The following ZSWIM6 variants were observed in gnomAD, a reference collection of about 807,000 sequenced individuals.
ZSWIM6 encodes zinc finger SWIM-type containing 6, also known as zinc finger SWIM domain-containing protein 6.
A neutral mutation model predicts 113.2 loss-of-function variants in ZSWIM6; 9 were observed. The observed-to-expected ratio is 0.08, with a 90% CI of 0.05 to 0.14. The LOEUF is 0.14. Among genes scored for constraint, ZSWIM6 ranks in the 10% least tolerant of loss-of-function variants. The pLI, the probability that ZSWIM6 is intolerant of heterozygous loss-of-function variation, is 1.00. For synonymous variants in ZSWIM6, 611 were observed against 606.5 expected (o/e 1.01, Z -0.11); for missense variants, 1,162 against 1,552.2 (o/e 0.75, Z 4.22).
At chr5:61,341,695 T>G (rs2112027354) in intron 1 of ZSWIM6, among the ~76,000 whole-genome samples, 1 of 152,266 alleles carries the variant, frequency 6.6e-6, no homozygotes, top group East Asian at 1.9e-4. Flanking sequence ...TGAAAACTTC[T>G]CCAGTATTGT....
At chr5:61,375,923 CTACAACATATT>C (rs1346706891) in intron 1 of ZSWIM6, 1 of 701,816 alleles carries the variant, frequency 1.4e-6, no homozygotes, top group African/African-American at 2.0e-5. Context: ...ACTGTGAAAA[CTACAACATATT>C]TACTAAAATG....
At chr5:61,505,865 G>C (rs1233732731) in intron 4 of ZSWIM6, among the ~76,000 whole-genome samples, 1 of 151,500 alleles carries the variant, frequency 6.6e-6, no homozygotes, top group Non-Finnish European at 1.5e-5. Flanking sequence ...TCCTGCCTCA[G>C]CTTCCTTAGT....
At chr5:61,470,702 A>C (rs1011361036) in intron 1 of ZSWIM6, among the ~76,000 whole-genome samples, 1 of 152,216 alleles carries the variant, frequency 6.6e-6, no homozygotes, top group Non-Finnish European at 1.5e-5. Context: ...GTGAAAAAAA[A>C]ACCAAAGATT....
At chr5:61,372,857 T>C (rs1308502557) in intron 1 of ZSWIM6, among the ~76,000 whole-genome samples, 1 of 152,218 alleles carries the variant, frequency 6.6e-6, no homozygotes, top group Non-Finnish European at 1.5e-5. Context: ...CTTATCATTT[T>C]TACCTCTTCA....
intron 1 of ZSWIM6, among the ~76,000 whole-genome samples, chr5:61,464,082 C>T (rs2112171857): frequency 6.6e-6 from 1 of 150,556 alleles, no homozygotes; most frequent in South Asian, 2.1e-4. Flanking sequence ...GCCTCTGCCT[C>T]CTGGGTTCAA....
Position 61,408,585 on chromosome 5 carries a change from T to C in ZSWIM6, c.677-64096T>C, listed in dbSNP as rs375840507. Among the ~76,000 whole-genome samples, 82 of 152,330 alleles carry C rather than the reference T, an allele frequency of 5.4e-4. 1 individual carries two copies. In the South Asian group the frequency reaches 0.014, roughly 27 times the overall value. On this transcript the variant is annotated intron_variant, in intron 1 of 13. Coordinates refer to ENST00000252744, the MANE Select transcript of ZSWIM6 (RefSeq NM_020928.2). ...ATTGGTGAGGAATATATTAAAACCC[T>C]ATGGGAGACCAAGTTCTGAAGTTTG...
chr5:61,438,131 T>A (rs1202113740), intron 1 of ZSWIM6, among the ~76,000 whole-genome samples: 1 of 152,168 alleles, frequency 6.6e-6, no homozygotes, highest in African/African-American at 2.4e-5. Flanking sequence ...CAGCTACACC[T>A]TCCCCCCATT....
chr5:61,341,680 A>G (rs1438036862), intron 1 of ZSWIM6, among the ~76,000 whole-genome samples: 1 of 152,156 alleles, frequency 6.6e-6, no homozygotes, highest in African/African-American at 2.4e-5. Context: ...AACTTAGTGT[A>G]TATATGAAAA....
intron 1 of ZSWIM6, among the ~76,000 whole-genome samples, chr5:61,336,773 C>A (rs1744407978): frequency 6.6e-6 from 1 of 152,002 alleles, no homozygotes; most frequent in Non-Finnish European, 1.5e-5. Context: ...AAAAAAAAAT[C>A]AAAAAGTTTC....
intron 1 of ZSWIM6, among the ~76,000 whole-genome samples, chr5:61,340,046 C>CT (rs1744509494): frequency 6.6e-6 from 1 of 152,148 alleles, no homozygotes; most frequent in Non-Finnish European, 1.5e-5. Context: ...AGATAAAAAC[C>CT]TGGTTGTCTT....
intron 1 of ZSWIM6, among the ~76,000 whole-genome samples, chr5:61,377,226 A>G (rs868136211): frequency 7.2e-5 from 11 of 152,168 alleles, no homozygotes; most frequent in African/African-American, 2.7e-4. Flanking sequence ...CTGGGTAGCC[A>G]TCTGGAAAAA....
chr5:61,332,863 G>A lies in ZSWIM6; in HGVS notation c.591G>A (p.Ala197=). ...CGTCGGTGGGGGCTGCCGGGGCGGCGGACGGCGGCGACGAGACGCGGCTGC... is the reference window on the plus strand; with the variant it reads ...CGTCGGTGGGGGCTGCCGGGGCGGCAGACGGCGGCGACGAGACGCGGCTGC... ...GAPSVGAAGA[A]DGGDETRLPF... is the part of the protein sequence containing the mutation. The change falls in exon 1 of 14, where the codon GCG becomes GCA. Residue 197 remains alanine, a synonymous_variant. Transcript: ENST00000252744. 1 of 1,220,778 alleles carries A rather than the reference G, an allele frequency of 8.2e-7. No homozygotes were observed. The highest frequency in any genetic ancestry group is 1.0e-6 in the Non-Finnish European group (1 of 961,140). 75.6% of individuals were successfully genotyped at this position (1,220,778 alleles called of 1,614,324 possible).
At chr5:61,500,257 G>A (rs979809627) in intron 4 of ZSWIM6, among the ~76,000 whole-genome samples, 3 of 151,950 alleles carry the variant, frequency 2.0e-5, no homozygotes, top group African/African-American at 7.3e-5. Context: ...CTCCTGGGTA[G>A]CTGGGACTAC....
chr5:61,363,720 T>C (rs925104910), intron 1 of ZSWIM6, among the ~76,000 whole-genome samples: 4 of 152,182 alleles, frequency 2.6e-5, no homozygotes, highest in African/African-American at 9.6e-5. Flanking sequence ...TAAGCTAAAA[T>C]ATGTTTAAAG....
At position 61,332,791 on chromosome 5, in the gene ZSWIM6, T is replaced by TGCCGCC. The variant is rs1262946696; in HGVS notation, c.546_551dup (p.Ala183_Ala184dup). The stretch of plus-strand genomic sequence containing the variant: ...CCGCAACCTCGGCCGCCGCCGCCGC[T>TGCCGCC]GCCGCCGCCGCCGCCGCCGCCGCCG... On this transcript the variant is annotated inframe_insertion, in exon 1 of 14. Transcript: ENST00000252744. 2.6e-6 allele frequency: 2 copies of TGCCGCC among 766,736 alleles called. No individual in the cohort carries two copies. The highest frequency in any genetic ancestry group is 3.1e-6 in the Non-Finnish European group (2 of 647,596). 47.5% of individuals were successfully genotyped at this position (766,736 alleles called of 1,614,324 possible). A position where few individuals can be genotyped will look rare whatever the true frequency, so the allele number is the denominator to read the frequency against.
At position 61,486,143 on chromosome 5, in the gene ZSWIM6, A is replaced by G. The variant is rs185455633; in HGVS notation, c.1034-4643A>G. On this transcript the variant is annotated intron_variant, in intron 2 of 13. Transcript: ENST00000252744. Reference sequence around the variant, plus strand: ...CAACTCTTCCAAGTCTTCATTGTCTATCATTCCACACACTCCATGCCCTTC... The same window carrying G: ...CAACTCTTCCAAGTCTTCATTGTCTGTCATTCCACACACTCCATGCCCTTC... Among the ~76,000 whole-genome samples, 216 of 152,250 alleles carry G rather than the reference A, an allele frequency of 1.4e-3. 2 individuals carry two copies. Among genetic ancestry groups the G allele is most frequent in the African/African-American group, 5.0e-3 (209 of 41,556 alleles).
At chr5:61,334,771 C>CT (rs1031509667) in intron 1 of ZSWIM6, among the ~76,000 whole-genome samples, 37 of 151,298 alleles carry the variant, frequency 2.4e-4, no homozygotes, top group East Asian at 1.2e-3. Flanking sequence ...CTAGTTATAC[C>CT]TTTTTTTTTG....
intron 3 of ZSWIM6, among the ~76,000 whole-genome samples, chr5:61,491,759 C>CTT (rs1748183521): frequency 3.3e-5 from 5 of 151,876 alleles, no homozygotes; most frequent in Non-Finnish European, 7.4e-5. Context: ...GAACAGATAG[C>CTT]TGTTCATTGA....
intron 4 of ZSWIM6, among the ~76,000 whole-genome samples, chr5:61,513,581 C>G (rs1202436906): frequency 6.6e-6 from 1 of 152,034 alleles, no homozygotes; most frequent in Non-Finnish European, 1.5e-5. Context: ...TTCTCCTAAA[C>G]TTTTTTCTAG....
Sources: allele counts gnomAD v4.1 joint callset (sites outside exome capture counted in the v4.1 genomes callset), GRCh38; gene constraint gnomAD v4.1.1; transcripts MANE v1.5; gene names NCBI Gene and HGNC (gene_info 2026-07-23, HGNC 2026-07-21).